The following SPAG16 variants were observed in gnomAD, a reference collection of about 807,000 sequenced individuals.
SPAG16 encodes the protein sperm associated antigen 16, also known as sperm-associated antigen 16 protein.
A neutral mutation model predicts 80.4 loss-of-function variants in SPAG16; 86 were observed. The observed-to-expected ratio is 1.07, with a 90% CI of 0.90 to 1.28. The LOEUF (loss-of-function observed/expected upper bound fraction) is 1.28. Among genes scored for constraint, SPAG16 ranks in the 50% most tolerant of loss-of-function variants. The pLI is 0.00. For synonymous variants in SPAG16, 294 were observed against 265.9 expected (o/e 1.11, Z -1.03); for missense variants, 870 against 765.3 (o/e 1.14, Z -1.61).
intron 10 of SPAG16, among the ~76,000 whole-genome samples, chr2:213,726,540 T>A (rs1390096475): frequency 6.6e-6 from 1 of 152,216 alleles, no homozygotes; most frequent in East Asian, 1.9e-4. Flanking sequence ...TGAAAGTCAT[T>A]GCAATCAAAT....
chr2:213,772,923 C>G (rs1184886923), intron 10 of SPAG16, among the ~76,000 whole-genome samples: 4 of 151,888 alleles, frequency 2.6e-5, no homozygotes, highest in Non-Finnish European at 4.4e-5. Context: ...ATATATCTTT[C>G]ATTAAATTGG....
Position 213,622,561 on chromosome 2 carries a change from G to A in SPAG16, c.1070+132471G>A, listed in dbSNP as rs80026506. Among the ~76,000 whole-genome samples, 932 of 152,238 alleles carry A rather than the reference G, an allele frequency of 6.1e-3. 1 individual carries two copies. Among genetic ancestry groups the A allele is most frequent in the Non-Finnish European group, 9.0e-3 (613 of 68,016 alleles). Reference sequence around the variant, plus strand: ...TGTCTTAGTGGTTGGCTTTCTGTGCGGTGAGCAGCAGGACCTAGACCAAAC... The same window carrying A: ...TGTCTTAGTGGTTGGCTTTCTGTGCAGTGAGCAGCAGGACCTAGACCAAAC... On this transcript the variant is annotated intron_variant, in intron 10 of 15. Coordinates refer to ENST00000331683, the MANE Select transcript of SPAG16 (RefSeq NM_024532.5).
At position 213,614,466 on chromosome 2, in the gene SPAG16, C is replaced by T. The variant is rs113964278; in HGVS notation, c.1070+124376C>T. The stretch of plus-strand genomic sequence containing the variant: ...CAATTTACTTTAAATTCTTTTTAAA[C>T]CAACCCTTGATGCCTGGCTTATTGC... On this transcript the variant is annotated intron_variant, in intron 10 of 15. Transcript: ENST00000331683. Among the ~76,000 whole-genome samples the T allele has an allele frequency of 1.6e-3, 237 of 152,288 alleles. 3 individuals are homozygous for T. The highest frequency in any genetic ancestry group is 4.6e-3 in the African/African-American group (193 of 41,554).
intron 9 of SPAG16, among the ~76,000 whole-genome samples, chr2:213,383,761 ACAT>A (rs891038283): frequency 3.3e-5 from 5 of 152,196 alleles, no homozygotes; most frequent in Admixed American, 1.3e-4. Flanking sequence ...TTATTAGTAA[ACAT>A]CATGTTTATC....
At chr2:213,695,850 G>A (rs1484149078) in intron 10 of SPAG16, among the ~76,000 whole-genome samples, 2 of 152,218 alleles carry the variant, frequency 1.3e-5, no homozygotes, top group African/African-American at 4.8e-5. Flanking sequence ...GGAGCTTAAT[G>A]TAGGTTATGC....
At position 213,738,864 on chromosome 2, in the gene SPAG16, T is replaced by A. The variant is rs142032617; in HGVS notation, c.1071-123621T>A. Among the ~76,000 whole-genome samples, 67 of 152,344 alleles carry A rather than the reference T, an allele frequency of 4.4e-4. 1 individual carries two copies. The highest frequency in any genetic ancestry group is 1.6e-3 in the African/African-American group (65 of 41,580). On this transcript the variant is annotated intron_variant, in intron 10 of 15. Coordinates refer to ENST00000331683, the MANE Select transcript of SPAG16 (RefSeq NM_024532.5). ...GTGGGTTTGGAACAGACATATCTTCTGGCCAGATTTCATTGCCAGTATGAC... is the reference window on the plus strand; with the variant it reads ...GTGGGTTTGGAACAGACATATCTTCAGGCCAGATTTCATTGCCAGTATGAC...
intron 10 of SPAG16, among the ~76,000 whole-genome samples, chr2:213,588,808 CAAAAAAAAAAAAAAAAAA>C (rs59813410): frequency 2.4e-4 from 7 of 28,956 alleles, no homozygotes; most frequent in Non-Finnish European, 1.2e-4. Context: ...GACTCCGTCT[CAAAAAAAAAAAAAAAAAA>C]AAAAAAAAAA....
At chr2:213,780,679 G>A (rs1031119957) in intron 10 of SPAG16, among the ~76,000 whole-genome samples, 1 of 148,758 alleles carries the variant, frequency 6.7e-6, no homozygotes, top group Non-Finnish European at 1.5e-5. Flanking sequence ...AGCTCTTTGT[G>A]TATTTGCAAA....
chr2:213,887,929 T>C (rs1029323474), intron 11 of SPAG16, among the ~76,000 whole-genome samples: 1 of 151,858 alleles, frequency 6.6e-6, no homozygotes, highest in Admixed American at 6.6e-5. Context: ...CAACCTAATA[T>C]GTACTTTTCT....
intron 10 of SPAG16, among the ~76,000 whole-genome samples, chr2:213,720,615 G>C (rs1574935849): frequency 1.3e-5 from 2 of 151,574 alleles, no homozygotes; most frequent in South Asian, 4.2e-4. Flanking sequence ...TCCAGCCTGG[G>C]CGACAGAGAA....
intron 12 of SPAG16, among the ~76,000 whole-genome samples, chr2:213,994,106 G>A (rs1315027367): frequency 6.6e-6 from 1 of 152,148 alleles, no homozygotes; most frequent in Non-Finnish European, 1.5e-5. Flanking sequence ...TACAAAGGAA[G>A]TATGTGTGTG....
intron 10 of SPAG16, among the ~76,000 whole-genome samples, chr2:213,785,695 G>T (rs749474349): frequency 5.9e-5 from 9 of 152,096 alleles, no homozygotes; most frequent in Non-Finnish European, 1.3e-4. Context: ...TGAACATTAA[G>T]AACTTTATAT....
intron 14 of SPAG16, among the ~76,000 whole-genome samples, chr2:214,127,043 G>C (rs1349591377): frequency 6.6e-6 from 1 of 151,806 alleles, no homozygotes; most frequent in Non-Finnish European, 1.5e-5. Context: ...AAATAGATTT[G>C]ATGGAATTTT....
chr2:214,179,522 C>T (rs1416476001), intron 15 of SPAG16, among the ~76,000 whole-genome samples: 2 of 151,396 alleles, frequency 1.3e-5, no homozygotes, highest in South Asian at 4.1e-4. Context: ...GTCAAAAACA[C>T]TTTTCTCTAC....
chr2:214,200,965 G>C (rs534249268), intron 15 of SPAG16, among the ~76,000 whole-genome samples: 11 of 152,262 alleles, frequency 7.2e-5, no homozygotes, highest in African/African-American at 2.6e-4. Context: ...ATTGTAAAGA[G>C]AGTTGCTTCT....
chr2:213,667,839 T>C (rs2063665858), intron 10 of SPAG16, among the ~76,000 whole-genome samples: 1 of 152,206 alleles, frequency 6.6e-6, no homozygotes, highest in African/African-American at 2.4e-5. Context: ...AAATGCTTTC[T>C]TTAGTTTTTT....
intron 15 of SPAG16, among the ~76,000 whole-genome samples, chr2:214,339,681 T>C (rs892100486): frequency 2.6e-5 from 4 of 152,242 alleles, no homozygotes; most frequent in Admixed American, 1.3e-4. Context: ...AATAAACTTC[T>C]CAATATAAAT....
chr2:213,516,631 C>G (rs2075434908), intron 10 of SPAG16, among the ~76,000 whole-genome samples: 1 of 152,104 alleles, frequency 6.6e-6, no homozygotes, highest in Admixed American at 6.6e-5. Context: ...AAGACAGTCT[C>G]TGTCCTCAAA....
chr2:213,973,692 C>G (rs1303486691), intron 12 of SPAG16, among the ~76,000 whole-genome samples: 3 of 142,914 alleles, frequency 2.1e-5, no homozygotes, highest in Non-Finnish European at 4.6e-5. Context: ...TTGACTGTTT[C>G]TGGAGTTCTG....
Sources: gnomAD v4.1 joint callset for allele counts (sites outside exome capture counted in the v4.1 genomes callset) on GRCh38, gnomAD v4.1.1 for gene constraint, MANE v1.5 for transcripts, NCBI Gene and HGNC (gene_info 2026-07-23, HGNC 2026-07-21) for gene names.